VTCN1: variants seen among roughly 807,000 people sequenced by gnomAD.
The protein encoded by VTCN1 is V-set domain-containing T-cell activation inhibitor 1.
A neutral mutation model predicts 26.5 loss-of-function variants in VTCN1; 26 were observed. That is an observed-to-expected ratio of 0.98 (90% CI 0.72 to 1.36). The LOEUF is 1.36. Ranked by LOEUF, VTCN1 falls within the 40% of genes most tolerant of loss-of-function variation. The pLI is 0.00. For missense variants in VTCN1, 298 were observed against 337.7 expected (o/e 0.88, Z 0.92); for synonymous variants, 116 against 130.7 (o/e 0.89, Z 0.77).
At chr1:117,181,327 T>C (rs1647661938) in intron 1 of VTCN1, among the ~76,000 whole-genome samples, 2 of 152,224 alleles carry the variant, frequency 1.3e-5, no homozygotes, top group South Asian at 2.1e-4. Context: ...TGATTGCTTA[T>C]GAAAGTTCAA....
chr1:117,191,439 C>A (rs898940924), intron 1 of VTCN1, among the ~76,000 whole-genome samples: 2 of 152,114 alleles, frequency 1.3e-5, no homozygotes, highest in African/African-American at 4.8e-5. Flanking sequence ...GGATTGCCTG[C>A]AGCCAGGAGT....
At chr1:117,200,221 T>C (rs956886986) in intron 1 of VTCN1, among the ~76,000 whole-genome samples, 4 of 152,006 alleles carry the variant, frequency 2.6e-5, no homozygotes, top group African/African-American at 7.3e-5. Context: ...CTGGACAACA[T>C]AGGGAGACTC....
chr1:117,148,959 A>G (rs1374669469), intron 4 of VTCN1, among the ~76,000 whole-genome samples: 1 of 152,202 alleles, frequency 6.6e-6, no homozygotes, highest in Non-Finnish European at 1.5e-5. Flanking sequence ...CCTGAGAGTT[A>G]GCAAAAACAA....
intron 1 of VTCN1, among the ~76,000 whole-genome samples, chr1:117,199,700 G>A (rs1452557227): frequency 6.8e-6 from 1 of 147,776 alleles, no homozygotes; most frequent in Admixed American, 6.8e-5. Flanking sequence ...CAGTGGTGCA[G>A]TCGTGGCTCA....
intron 1 of VTCN1, among the ~76,000 whole-genome samples, chr1:117,193,184 G>A (rs1648332175): frequency 6.6e-6 from 1 of 151,982 alleles, no homozygotes. Context: ...TTTTTATCAG[G>A]CATTTTGGGG....
chr1:117,175,075 A>G lies in VTCN1; in HGVS notation c.33-4904T>C, dbSNP rs1226327803. On this transcript the variant is annotated intron_variant, in intron 1 of 5. Transcript: ENST00000369458. The surrounding 1 kb of genome is among the most constrained non-coding windows in gnomAD (Gnocchi z 4.2). ...GGAGGGCCTGGTTCGATTCCCTCAC[A>G]TGCCTGCTTCAGCTGCTGCTGCCTT... Among the ~76,000 whole-genome samples the G allele has an allele frequency of 1.3e-5, 2 of 151,710 alleles. No individual in the cohort carries two copies. The highest frequency in any genetic ancestry group is 1.3e-4 in the Admixed American group (2 of 15,282).
intron 4 of VTCN1, among the ~76,000 whole-genome samples, chr1:117,148,785 A>G (rs1390296760): frequency 1.3e-5 from 2 of 152,166 alleles, no homozygotes; most frequent in Admixed American, 6.5e-5. Context: ...TTAGTGCTGA[A>G]AATATGTTAA....
chr1:117,200,554 T>C (rs1333656811), intron 1 of VTCN1, among the ~76,000 whole-genome samples: 1 of 152,190 alleles, frequency 6.6e-6, no homozygotes, highest in Non-Finnish European at 1.5e-5. Flanking sequence ...ACCCTTTGAA[T>C]ATCTTCTTTG....
rs114405382 is a variant in VTCN1 at position 117,208,851 on chromosome 1, C to T, written c.32+1973G>A. On this transcript the variant is annotated intron_variant, in intron 1 of 5. Transcript: ENST00000369458. ...ATTATGAATACTTAGGAGAATAACT[C>T]ACTGGGTCTGCAGAGGATGGCAGGC... 2.8e-3 allele frequency among the ~76,000 whole-genome samples: 434 copies of T among 152,290 alleles called. 2 individuals carry two copies. Among genetic ancestry groups the T allele is most frequent in the African/African-American group, 9.8e-3 (406 of 41,556 alleles).
rs140970876 is a variant in VTCN1 at position 117,146,259 on chromosome 1, C to T, written c.*46-1034G>A. Among the ~76,000 whole-genome samples, 1 of 152,294 alleles carries T rather than the reference C, an allele frequency of 6.6e-6. No individual in the cohort carries two copies. The highest frequency in any genetic ancestry group is 2.4e-5 in the African/African-American group (1 of 41,558). ...CTCTACTAGTGAGATTCCCAAGGGA[C>T]AGTTTCCTTAGGGAAATCTCTGCTG... On this transcript the variant is annotated intron_variant, in intron 5 of 5. Coordinates refer to ENST00000369458, the MANE Select transcript of VTCN1 (RefSeq NM_024626.4). This position sits in a 1 kb window ranked among gnomAD's most constrained non-coding sequence, Gnocchi z 4.2.
chr1:117,210,616 C>A (rs185645696), intron 1 of VTCN1, among the ~76,000 whole-genome samples: 130 of 152,348 alleles, frequency 8.5e-4, no homozygotes, highest in African/African-American at 3.0e-3. Flanking sequence ...CCTCCCTAAC[C>A]CTGAACAGGT....
At chr1:117,193,100 T>C (rs1300703417) in intron 1 of VTCN1, among the ~76,000 whole-genome samples, 1 of 152,184 alleles carries the variant, frequency 6.6e-6, no homozygotes, top group Non-Finnish European at 1.5e-5. Flanking sequence ...TGATTCAAAG[T>C]ATATGGGAGA....
intron 1 of VTCN1, among the ~76,000 whole-genome samples, chr1:117,201,181 G>A (rs1248290128): frequency 3.3e-5 from 5 of 152,122 alleles, no homozygotes. Context: ...GTTAACTTAG[G>A]GAATAAGGTC....
intron 1 of VTCN1, among the ~76,000 whole-genome samples, chr1:117,194,571 C>T (rs1420229734): frequency 6.6e-6 from 1 of 152,200 alleles, no homozygotes; most frequent in Non-Finnish European, 1.5e-5. Flanking sequence ...TCTGTACCCC[C>T]ACGTTCATTG....
intron 2 of VTCN1, among the ~76,000 whole-genome samples, chr1:117,164,017 T>C (rs1652492997): frequency 6.6e-6 from 1 of 152,076 alleles, no homozygotes; most frequent in African/African-American, 2.4e-5. Flanking sequence ...ACCAGGTTAT[T>C]TAGGGGTGTA....
intron 1 of VTCN1, among the ~76,000 whole-genome samples, chr1:117,202,712 C>T (rs571480191): frequency 2.0e-4 from 30 of 152,294 alleles, no homozygotes; most frequent in African/African-American, 7.0e-4. Flanking sequence ...GAGAGGATAA[C>T]TAGATGGCCC....
chr1:117,194,080 C>G (rs1648389357), intron 1 of VTCN1, among the ~76,000 whole-genome samples: 1 of 152,038 alleles, frequency 6.6e-6, no homozygotes, highest in South Asian at 2.1e-4. Context: ...AATGAACAGG[C>G]AACCTAAAGA....
intron 1 of VTCN1, among the ~76,000 whole-genome samples, chr1:117,184,705 G>C (rs561914312): frequency 2.0e-5 from 3 of 152,214 alleles, no homozygotes; most frequent in Middle Eastern, 3.4e-3. Flanking sequence ...GCGTTGGGAG[G>C]ATAGTGCCTG....
intron 2 of VTCN1, among the ~76,000 whole-genome samples, chr1:117,166,930 A>G (rs1173536105): frequency 6.6e-6 from 1 of 151,606 alleles, no homozygotes; most frequent in East Asian, 1.9e-4. Context: ...CATCTCTACT[A>G]AAAGTACAAA....
Sources: gnomAD v4.1 joint callset for allele counts (sites outside exome capture counted in the v4.1 genomes callset) on GRCh38, gnomAD v4.1.1 for gene constraint, Gnocchi (gnomAD v3.1) non-coding constraint, MANE v1.5 for transcripts, NCBI Gene and HGNC (gene_info 2026-07-23, HGNC 2026-07-21) for gene names.